EYA4: variants seen among roughly 807,000 people sequenced by gnomAD.
The protein encoded by EYA4 is EYA transcriptional coactivator and phosphatase 4, also known as protein phosphatase EYA4.
Under a neutral mutation model 87.9 loss-of-function variants are expected in EYA4, and 31 were observed. That is an observed-to-expected ratio of 0.35 (90% CI 0.27 to 0.48). The LOEUF is 0.48. EYA4 is among the 20% of genes least tolerant of loss of function. EYA4 has a pLI of 0.99. For missense variants in EYA4, 678 were observed against 761.4 expected (o/e 0.89, Z 1.29); for synonymous variants, 263 against 270.6 (o/e 0.97, Z 0.28).
At position 133,531,170 on chromosome 6, in the gene EYA4, G is replaced by A. The variant is rs1800988337; in HGVS notation, c.*2365G>A. Reference sequence around the variant, plus strand: ...CCGGCTGGTTGCATCACCCCGTGCAGTTTCTCACACACATCTCTTTTTCTG... The same window carrying A: ...CCGGCTGGTTGCATCACCCCGTGCAATTTCTCACACACATCTCTTTTTCTG... On this transcript the variant is annotated 3_prime_UTR_variant, in exon 20 of 20. Coordinates refer to ENST00000355286, the MANE Select transcript of EYA4 (RefSeq NM_004100.5). 2 of 1,534,610 alleles carry A rather than the reference G, an allele frequency of 1.3e-6. No homozygotes were observed. Among genetic ancestry groups the A allele is most frequent in the African/African-American group, 1.4e-5 (1 of 72,988 alleles).
At chr6:133,327,626 G>T (rs1582968757) in intron 2 of EYA4, among the ~76,000 whole-genome samples, 1 of 152,210 alleles carries the variant, frequency 6.6e-6, no homozygotes, top group East Asian at 1.9e-4. Context: ...GAGGATTTCT[G>T]CTCCTAAATT....
chr6:133,276,551 A>G (rs373602504), intron 2 of EYA4, among the ~76,000 whole-genome samples: 1 of 152,232 alleles, frequency 6.6e-6, no homozygotes, highest in African/African-American at 2.4e-5. Context: ...TGATATTTTA[A>G]GGTCATGGAG....
At position 133,524,007 on chromosome 6, in the gene EYA4, G is replaced by C. The variant is rs191632931; in HGVS notation, c.1738+830G>C. 6.6e-5 allele frequency among the ~76,000 whole-genome samples: 10 copies of C among 152,218 alleles called. No individual in the cohort carries two copies. In the East Asian group the frequency reaches 1.9e-3, roughly 29 times the overall value. ...TGGGCTTTGAGGAGGTCTGATGTTG[G>C]CCCTGGCAAAAGGAGCCTCCAGTGG... On this transcript the variant is annotated intron_variant, in intron 18 of 19. Coordinates refer to ENST00000355286, the MANE Select transcript of EYA4 (RefSeq NM_004100.5).
chr6:133,518,195 A>C (rs7743115), intron 17 of EYA4, among the ~76,000 whole-genome samples: 30,485 of 151,878 alleles, frequency 0.2, 3,890 homozygotes, highest in African/African-American at 0.36. Context: ...TGTCTTCTAT[A>C]TAAGTTAAAA....
At chr6:133,385,434 TGTGTGTGAGA>T (rs764103198) in intron 3 of EYA4, among the ~76,000 whole-genome samples, 9 of 128,462 alleles carry the variant, frequency 7.0e-5, no homozygotes, top group Admixed American at 7.9e-5. Context: ...TGTGTGTGTG[TGTGTGTGAGA>T]GAGAGAGAGA....
At chr6:133,525,398 T>TA in intron 19 of EYA4, 144 bp downstream of exon 19, 3 of 743,582 alleles carry the variant, frequency 4.0e-6, no homozygotes, top group Middle Eastern at 2.5e-4. Context: ...GGTCAATACT[T>TA]ACATTCAAAT....
chr6:133,330,566 TATAC>T (rs1201644281), intron 2 of EYA4, among the ~76,000 whole-genome samples: 1 of 54,726 alleles, frequency 1.8e-5, no homozygotes, highest in African/African-American at 8.9e-5. Flanking sequence ...TATATATATA[TATAC>T]ACACACACAC....
chr6:133,327,565 A>T (rs1023649182), intron 2 of EYA4, among the ~76,000 whole-genome samples: 22 of 152,340 alleles, frequency 1.4e-4, no homozygotes, highest in African/African-American at 5.1e-4. Context: ...TTAACAAAAT[A>T]AAACTAATGC....
intron 4 of EYA4, among the ~76,000 whole-genome samples, chr6:133,447,383 A>G (rs986511752): frequency 6.6e-6 from 1 of 152,170 alleles, no homozygotes; most frequent in Non-Finnish European, 1.5e-5. Context: ...TATTATTTTT[A>G]TAAAATGTAT....
chr6:133,516,721 T>G (rs1799630489), intron 17 of EYA4, among the ~76,000 whole-genome samples: 1 of 109,768 alleles, frequency 9.1e-6, no homozygotes, highest in East Asian at 2.3e-4. Flanking sequence ...AGACTCTGTC[T>G]CAAAAAAAAA....
intron 3 of EYA4, among the ~76,000 whole-genome samples, chr6:133,431,949 AT>A (rs34742458): frequency 0.83 from 119,939 of 143,904 alleles, 49,940 homozygotes; most frequent in South Asian, 0.87. Flanking sequence ...CATTTTCTTG[AT>A]TTTTTTTTTT....
chr6:133,452,670 T>A (rs1416969590), intron 5 of EYA4, among the ~76,000 whole-genome samples: 1 of 151,978 alleles, frequency 6.6e-6, no homozygotes, highest in South Asian at 2.1e-4. Context: ...TTTTTAAAGC[T>A]AAAAAAATGG....
chr6:133,492,704 A>G (rs1381221535), intron 13 of EYA4, among the ~76,000 whole-genome samples: 6 of 152,228 alleles, frequency 3.9e-5, no homozygotes. Context: ...TTTTTAGAAA[A>G]GCTTAAAGAT....
intron 3 of EYA4, among the ~76,000 whole-genome samples, chr6:133,421,698 T>C (rs1790235715): frequency 6.6e-6 from 1 of 152,218 alleles, no homozygotes; most frequent in South Asian, 2.1e-4. Context: ...AAGCTAACTT[T>C]GAACAACAAC....
chr6:133,260,116 G>C lies in EYA4; in HGVS notation c.-65-14600G>C, dbSNP rs113368196. Among the ~76,000 whole-genome samples, 174 of 151,890 alleles carry C rather than the reference G, an allele frequency of 1.1e-3. 1 individual carries two copies. Among genetic ancestry groups the C allele is most frequent in the African/African-American group, 4.2e-3 (173 of 41,386 alleles). On this transcript the variant is annotated intron_variant, in intron 1 of 19. Transcript: ENST00000355286. ...TTTCAATTTTATTTCTGTTTCTTTT[G>C]TGTCTGTTTTAAGTATACCTATCTA... is the stretch of plus-strand genomic sequence containing the variant.
intron 16 of EYA4, among the ~76,000 whole-genome samples, chr6:133,513,302 G>A (rs1350931660): frequency 6.6e-6 from 1 of 152,116 alleles, no homozygotes; most frequent in Non-Finnish European, 1.5e-5. Context: ...GCATTTAGTT[G>A]ACCCTTTATC....
At chr6:133,386,644 G>A (rs565233776) in intron 3 of EYA4, among the ~76,000 whole-genome samples, 67 of 152,188 alleles carry the variant, frequency 4.4e-4, no homozygotes, top group African/African-American at 1.4e-3. Flanking sequence ...TTTTATACTC[G>A]TTTTGTTAAC....
intron 2 of EYA4, among the ~76,000 whole-genome samples, chr6:133,323,333 A>G (rs189928228): frequency 6.6e-6 from 1 of 152,240 alleles, no homozygotes; most frequent in Admixed American, 6.5e-5. Flanking sequence ...GGCTCCAAGA[A>G]GAGCTCTGAG....
chr6:133,302,489 T>A (rs1470459993), intron 2 of EYA4, among the ~76,000 whole-genome samples: 1 of 152,224 alleles, frequency 6.6e-6, no homozygotes, highest in African/African-American at 2.4e-5. Flanking sequence ...GTTTGGAACT[T>A]ATTCAGCCAG....
Sources: allele counts gnomAD v4.1 joint callset (sites outside exome capture counted in the v4.1 genomes callset), GRCh38; gene constraint gnomAD v4.1.1; transcripts MANE v1.5; gene names NCBI Gene and HGNC (gene_info 2026-07-23, HGNC 2026-07-21).